The following SPAG16 variants were observed in gnomAD, a reference collection of about 807,000 sequenced individuals.
SPAG16 encodes sperm-associated antigen 16 protein.
In SPAG16, 86 loss-of-function variants were observed where a neutral mutation model predicts 80.4. The observed-to-expected ratio is 1.07, with a 90% CI of 0.90 to 1.28. The LOEUF (loss-of-function observed/expected upper bound fraction) is 1.28. SPAG16 is among the 50% of genes most tolerant of loss of function. The pLI, the probability that SPAG16 is intolerant of heterozygous loss-of-function variation, is 0.00. For missense variants in SPAG16, 870 were observed against 765.3 expected (o/e 1.14, Z -1.61); for synonymous variants, 294 against 265.9 (o/e 1.11, Z -1.03).
chr2:214,289,028 A>T (rs796112283), intron 15 of SPAG16, among the ~76,000 whole-genome samples: 13 of 152,234 alleles, frequency 8.5e-5, no homozygotes, highest in African/African-American at 3.1e-4. Flanking sequence ...TTGGCCTCCC[A>T]AAGTGCTGGG....
At chr2:214,299,353 G>A (rs1487385932) in intron 15 of SPAG16, among the ~76,000 whole-genome samples, 3 of 145,714 alleles carry the variant, frequency 2.1e-5, no homozygotes, top group Non-Finnish European at 3.0e-5. Flanking sequence ...AGGTTCAAGC[G>A]ATTCTCCTGC....
intron 8 of SPAG16, 41 bp downstream of exon 8, chr2:213,364,186 T>G (rs778439162): frequency 5.6e-6 from 7 of 1,246,358 alleles, no homozygotes; most frequent in African/African-American, 1.5e-5. Flanking sequence ...TAATATAGTT[T>G]GGTGATTTCT....
At chr2:213,488,824 C>G (rs1257059575) in intron 9 of SPAG16, among the ~76,000 whole-genome samples, 2 of 148,074 alleles carry the variant, frequency 1.4e-5, no homozygotes, top group African/African-American at 4.9e-5. Flanking sequence ...CGTCTGTAAT[C>G]CCACCACTTT....
At chr2:214,029,409 T>C (rs891235829) in intron 13 of SPAG16, among the ~76,000 whole-genome samples, 12 of 151,978 alleles carry the variant, frequency 7.9e-5, no homozygotes, top group African/African-American at 2.7e-4. Context: ...CAGGGTGGTA[T>C]GGGAAGATAT....
At chr2:213,574,367 CA>C (rs929435906) in intron 10 of SPAG16, among the ~76,000 whole-genome samples, 1 of 151,976 alleles carries the variant, frequency 6.6e-6, no homozygotes, top group Non-Finnish European at 1.5e-5. Context: ...GAGTAGAGGA[CA>C]AAGCCAAATT....
At chr2:213,540,395 A>C (rs2076405296) in intron 10 of SPAG16, among the ~76,000 whole-genome samples, 1 of 152,236 alleles carries the variant, frequency 6.6e-6, no homozygotes, top group East Asian at 1.9e-4. Context: ...TATTACACAA[A>C]GTCTGAAGTT....
intron 11 of SPAG16, among the ~76,000 whole-genome samples, chr2:213,929,551 G>A (rs2078654266): frequency 6.6e-6 from 1 of 152,128 alleles, no homozygotes; most frequent in African/African-American, 2.4e-5. Flanking sequence ...AAGCAATGCT[G>A]ACTTACTGTT....
intron 10 of SPAG16, among the ~76,000 whole-genome samples, chr2:213,707,629 T>G (rs536994510): frequency 6.6e-6 from 1 of 152,132 alleles, no homozygotes; most frequent in South Asian, 2.1e-4. Flanking sequence ...TATGTCATTC[T>G]GCCTCATTGC....
At chr2:213,885,698 AAGG>A (rs2106049384) in intron 11 of SPAG16, among the ~76,000 whole-genome samples, 1 of 152,328 alleles carries the variant, frequency 6.6e-6, no homozygotes, top group Admixed American at 6.5e-5. Flanking sequence ...GTAGATAAGG[AAGG>A]AGTATTCCTT....
chr2:213,539,256 C>A (rs1396013063), intron 10 of SPAG16, among the ~76,000 whole-genome samples: 5 of 152,022 alleles, frequency 3.3e-5, no homozygotes, highest in African/African-American at 9.7e-5. Flanking sequence ...GTAATAGCAG[C>A]GATGAGTAGT....
intron 9 of SPAG16, among the ~76,000 whole-genome samples, chr2:213,462,762 C>G (rs760798515): frequency 8.5e-5 from 13 of 152,166 alleles, no homozygotes; most frequent in Non-Finnish European, 1.8e-4. Context: ...AACTGTGAGT[C>G]AATTAAACCT....
chr2:213,599,133 T>C (rs1374462658), intron 10 of SPAG16, among the ~76,000 whole-genome samples: 1 of 152,184 alleles, frequency 6.6e-6, no homozygotes, highest in Non-Finnish European at 1.5e-5. Flanking sequence ...AAAACAAATA[T>C]AGTTTTAAAA....
At chr2:213,984,908 A>G (rs767125937) in intron 12 of SPAG16, among the ~76,000 whole-genome samples, 19 of 152,064 alleles carry the variant, frequency 1.2e-4, no homozygotes, top group Non-Finnish European at 2.4e-4. Context: ...CCCTCACTTC[A>G]TTCAAATCTC....
chr2:214,312,547 A>C (rs1695406280), intron 15 of SPAG16, among the ~76,000 whole-genome samples: 1 of 152,170 alleles, frequency 6.6e-6, no homozygotes, highest in Non-Finnish European at 1.5e-5. Flanking sequence ...AGAGCAGATT[A>C]ATCATCCTCT....
intron 15 of SPAG16, among the ~76,000 whole-genome samples, chr2:214,180,831 T>G (rs957861912): frequency 7.2e-5 from 11 of 151,876 alleles, no homozygotes; most frequent in African/African-American, 2.6e-4. Context: ...ATATTGAATC[T>G]GAAAGTTCTC....
At chr2:213,990,174 C>G (rs1055532921) in intron 12 of SPAG16, among the ~76,000 whole-genome samples, 1 of 151,962 alleles carries the variant, frequency 6.6e-6, no homozygotes, top group Non-Finnish European at 1.5e-5. Context: ...TTACAAATGG[C>G]AGATTATATA....
At chr2:213,609,446 T>C (rs1205593490) in intron 10 of SPAG16, among the ~76,000 whole-genome samples, 3 of 152,226 alleles carry the variant, frequency 2.0e-5, no homozygotes, top group Non-Finnish European at 4.4e-5. Context: ...TGTTTTCCTC[T>C]TCGTGGTCTT....
chr2:213,872,314 A>C (rs1005558894), intron 11 of SPAG16, among the ~76,000 whole-genome samples: 10 of 148,866 alleles, frequency 6.7e-5, no homozygotes, highest in African/African-American at 2.2e-4. Flanking sequence ...GGCCTCCAGA[A>C]CTGTAAGAGA....
At chr2:213,463,375 G>A (rs1559157430) in intron 9 of SPAG16, among the ~76,000 whole-genome samples, 1 of 152,244 alleles carries the variant, frequency 6.6e-6, no homozygotes, top group Admixed American at 6.5e-5. Flanking sequence ...CAAGACAATG[G>A]AGAAAACATC....
Sources: gnomAD v4.1 joint callset for allele counts (sites outside exome capture counted in the v4.1 genomes callset) on GRCh38, gnomAD v4.1.1 for gene constraint, MANE v1.5 for transcripts, NCBI Gene and HGNC (gene_info 2026-07-23, HGNC 2026-07-21) for gene names.